RARRES1: variants seen among roughly 807,000 people sequenced by gnomAD.
RARRES1 encodes the protein retinoic acid receptor responder 1, also known as retinoic acid receptor responder protein 1.
In RARRES1, 34 loss-of-function variants were observed where a neutral mutation model predicts 30.6. That is an observed-to-expected ratio of 1.11 (90% confidence interval 0.84 to 1.48). RARRES1 has a LOEUF of 1.48. RARRES1 is among the 40% of genes most tolerant of loss of function. RARRES1 has a pLI of 0.00. For missense variants in RARRES1, 373 were observed against 386.5 expected, an observed-to-expected ratio of 0.97 and a Z score of 0.29; for synonymous variants, 153 against 155.5, an observed-to-expected ratio of 0.98 and a Z score of 0.12.
At position 158,697,193 on chromosome 3, in the gene RARRES1, T is replaced by C. The variant is rs1008531920; in HGVS notation, c.*485A>G. 9 of 152,292 alleles carry C rather than the reference T, an allele frequency of 5.9e-5. No individual in the cohort carries two copies. Among genetic ancestry groups the C allele is most frequent in the African/African-American group, 2.2e-4 (9 of 41,462 alleles). 9.4% of individuals were successfully genotyped at this position (152,292 alleles called of 1,614,324 possible). On this transcript the variant is annotated 3_prime_UTR_variant, in exon 6 of 6. Coordinates refer to ENST00000237696, the MANE Select transcript of RARRES1 (RefSeq NM_206963.2). ...CTGAAATCATAAAACATAATCAAGT[T>C]CTTTTTAAAACAGTTAATTTTTTTC... is the stretch of plus-strand genomic sequence containing the variant.
intron 4 of RARRES1, among the ~76,000 whole-genome samples, chr3:158,702,216 T>C (rs1444257968): frequency 6.6e-6 from 1 of 152,128 alleles, no homozygotes; most frequent in African/African-American, 2.4e-5. Flanking sequence ...TTTTTTGTAT[T>C]TTTAGTAGAG....
intron 4 of RARRES1, among the ~76,000 whole-genome samples, chr3:158,704,204 G>C (rs1726830928): frequency 7.6e-6 from 1 of 131,772 alleles, no homozygotes. Context: ...CTAGAATATT[G>C]CAATACTTTT....
chr3:158,699,442 C>G (rs369613039), intron 4 of RARRES1, among the ~76,000 whole-genome samples: 84 of 150,944 alleles, frequency 5.6e-4, no homozygotes, highest in African/African-American at 2.0e-3. Context: ...CAACCCCCCC[C>G]CCACCAAAAA....
intron 1 of RARRES1, among the ~76,000 whole-genome samples, chr3:158,718,687 C>CT (rs1727403090): frequency 6.6e-6 from 1 of 152,188 alleles, no homozygotes; most frequent in South Asian, 2.1e-4. Context: ...TGTGAAGAAA[C>CT]TGACTCATAT....
chr3:158,721,316 G>A (rs1727503967), intron 1 of RARRES1, among the ~76,000 whole-genome samples: 1 of 152,180 alleles, frequency 6.6e-6, no homozygotes, highest in Non-Finnish European at 1.5e-5. Flanking sequence ...AAATCTGAGT[G>A]TGCCATGTAA....
At chr3:158,700,282 A>G (rs1726683946) in intron 4 of RARRES1, among the ~76,000 whole-genome samples, 1 of 151,882 alleles carries the variant, frequency 6.6e-6, no homozygotes. Context: ...TTTGAGAACA[A>G]TGCCTTATTC....
intron 3 of RARRES1, among the ~76,000 whole-genome samples, chr3:158,710,399 G>A (rs1396269759): frequency 1.3e-5 from 2 of 151,972 alleles, no homozygotes; most frequent in Non-Finnish European, 2.9e-5. Context: ...TAGTAGAGAC[G>A]GGGTTTCACC....
intron 4 of RARRES1, chr3:158,698,315 A>G (rs1296858345): frequency 5.1e-6 from 1 of 195,392 alleles, no homozygotes; most frequent in Non-Finnish European, 1.0e-5. Flanking sequence ...GCAATAAGAC[A>G]AGGGGAGGGG....
intron 4 of RARRES1, among the ~76,000 whole-genome samples, chr3:158,703,118 C>T (rs1726792233): frequency 6.6e-6 from 1 of 152,168 alleles, no homozygotes; most frequent in East Asian, 1.9e-4. Context: ...TGCTCTCATC[C>T]TGCTCTCAGC....
rs576098417 is a variant in RARRES1 at position 158,697,364 on chromosome 3, T to A, written c.*314A>T. 1 of 200,634 alleles carries A rather than the reference T, an allele frequency of 5.0e-6. No homozygotes were observed. The highest frequency in any genetic ancestry group is 1.6e-4 in the South Asian group (1 of 6,150). The allele number at this position is 200,634 out of a possible 1,614,324, so 12.4% of individuals were successfully genotyped here. A position where few individuals can be genotyped will look rare whatever the true frequency, so the allele number is the denominator to read the frequency against. On this transcript the variant is annotated 3_prime_UTR_variant, in exon 6 of 6. Transcript: ENST00000237696. Reference sequence around the variant, plus strand: ...AGATGAGACCATCATTTTTTGCAGTTAAAAAAAAAATGCTGATTCTGGTGC... The same window carrying A: ...AGATGAGACCATCATTTTTTGCAGTAAAAAAAAAAATGCTGATTCTGGTGC...
At chr3:158,712,592 T>C (rs1015882186) in intron 2 of RARRES1, among the ~76,000 whole-genome samples, 4 of 152,112 alleles carry the variant, frequency 2.6e-5, no homozygotes, top group Non-Finnish European at 4.4e-5. Context: ...GAAGGAAGCA[T>C]TCAGGAAGAG....
chr3:158,699,603 T>G (rs958333169), intron 4 of RARRES1, among the ~76,000 whole-genome samples: 2 of 152,120 alleles, frequency 1.3e-5, no homozygotes, highest in African/African-American at 4.8e-5. Flanking sequence ...CTGCCATGAT[T>G]TCCTTCAGAA....
At chr3:158,712,465 A>C (rs1314872657) in intron 2 of RARRES1, among the ~76,000 whole-genome samples, 2 of 152,180 alleles carry the variant, frequency 1.3e-5, no homozygotes, top group Non-Finnish European at 2.9e-5. Context: ...TACCTCAAAA[A>C]ACTGAGAAAC....
intron 4 of RARRES1, among the ~76,000 whole-genome samples, chr3:158,698,739 T>A (rs1028052631): frequency 5.3e-5 from 8 of 152,210 alleles, no homozygotes; most frequent in Non-Finnish European, 7.3e-5. Context: ...GAACATTTTT[T>A]AAAAATACCT....
intron 3 of RARRES1, among the ~76,000 whole-genome samples, chr3:158,706,938 G>T (rs1037566670): frequency 5.9e-5 from 9 of 152,154 alleles, no homozygotes; most frequent in South Asian, 4.1e-4. Context: ...GGAGGCCAAG[G>T]GGGGTGGATC....
chr3:158,722,992 A>C (rs1727567086), intron 1 of RARRES1, among the ~76,000 whole-genome samples: 1 of 152,162 alleles, frequency 6.6e-6, no homozygotes, highest in Admixed American at 6.5e-5. Flanking sequence ...CTCGCTGTGC[A>C]CCACCCCATG....
At chr3:158,731,636 G>A (rs1191815728) in intron 1 of RARRES1, among the ~76,000 whole-genome samples, 1 of 152,228 alleles carries the variant, frequency 6.6e-6, no homozygotes, top group Non-Finnish European at 1.5e-5. Flanking sequence ...AAGCCCTAGC[G>A]TGGTGGACTG....
At chr3:158,698,923 C>G (rs935342077) in intron 4 of RARRES1, among the ~76,000 whole-genome samples, 5 of 152,132 alleles carry the variant, frequency 3.3e-5, no homozygotes, top group Non-Finnish European at 7.3e-5. Context: ...TTTTACCTTC[C>G]CTTTTACCAG....
chr3:158,704,389 A>C (rs2108132481), intron 4 of RARRES1, among the ~76,000 whole-genome samples: 1 of 151,752 alleles, frequency 6.6e-6, no homozygotes, highest in Admixed American at 6.6e-5. Context: ...GTGCCACTAC[A>C]TCTGGCTAAT....
Sources: allele counts gnomAD v4.1 joint callset (sites outside exome capture counted in the v4.1 genomes callset), GRCh38; gene constraint gnomAD v4.1.1; transcripts MANE v1.5; gene names NCBI Gene and HGNC (gene_info 2026-07-23, HGNC 2026-07-21).